Variants in ARNT2 observed in about 807,000 individuals in gnomAD.
ARNT2 encodes the protein ARNT protein 2.
Under a neutral mutation model 91.7 loss-of-function variants are expected in ARNT2, and 36 were observed. The ratio of observed to expected loss-of-function variants is 0.39; its 90% confidence interval spans 0.30 to 0.52. The LOEUF is 0.52. Ranked by LOEUF, ARNT2 falls within the 20% of genes least tolerant of loss-of-function variation. The probability of loss-of-function intolerance (pLI) is 0.72; values close to 1 mark genes in which losing one functional copy is unlikely to be tolerated. For missense variants in ARNT2, 775 were observed against 939.3 expected, an observed-to-expected ratio of 0.83 and a Z score of 2.29; for synonymous variants, 365 against 347.1, an observed-to-expected ratio of 1.05 and a Z score of -0.57.
intron 6 of ARNT2, among the ~76,000 whole-genome samples, chr15:80,511,445 T>C (rs1897339950): frequency 6.6e-6 from 1 of 151,810 alleles, no homozygotes; most frequent in African/African-American, 2.4e-5. Flanking sequence ...AATACCTGGA[T>C]GATGAAATAA....
chr15:80,559,336 CA>C (rs1160627741), intron 11 of ARNT2, among the ~76,000 whole-genome samples: 16 of 152,310 alleles, frequency 1.1e-4, no homozygotes, highest in South Asian at 1.0e-3. Flanking sequence ...GACCCAGCCC[CA>C]GCCCCAGCCC....
At chr15:80,558,823 CTA>C (rs770185180) in intron 11 of ARNT2, among the ~76,000 whole-genome samples, 10 of 152,182 alleles carry the variant, frequency 6.6e-5, no homozygotes, top group Admixed American at 2.0e-4. Context: ...TGTTTGCTGA[CTA>C]TGTGGAAATT....
rs969022401 is a variant in ARNT2 at position 80,593,785 on chromosome 15, C to T, written c.*87C>T. 5 of 1,274,636 alleles carry T rather than the reference C, an allele frequency of 3.9e-6. No individual in the cohort carries two copies. The highest frequency in any genetic ancestry group is 5.5e-6 in the Non-Finnish European group (5 of 914,954). 79.0% of individuals were successfully genotyped at this position (1,274,636 alleles called of 1,614,324 possible). The stretch of plus-strand genomic sequence containing the variant: ...GTGAATGAGGCCCACCCTCGCCCTG[C>T]TTGCCCTGCCGCAGGCCCCCCACCA... On this transcript the variant is annotated 3_prime_UTR_variant, in exon 19 of 19. Coordinates refer to ENST00000303329, the MANE Select transcript of ARNT2 (RefSeq NM_014862.4).
At position 80,558,335 on chromosome 15, in the gene ARNT2, T is replaced by G. The variant is rs1326821771; in HGVS notation, c.1164+3196T>G. Reference sequence around the variant, plus strand: ...GGGCAGACTTCATTACGTCTGTGCTTTTTTTTTTTTTTTTTTTTTGAGACG... The same window carrying G: ...GGGCAGACTTCATTACGTCTGTGCTGTTTTTTTTTTTTTTTTTTTGAGACG... On this transcript the variant is annotated intron_variant, in intron 11 of 18. Coordinates refer to ENST00000303329, the MANE Select transcript of ARNT2 (RefSeq NM_014862.4). Among the ~76,000 whole-genome samples the G allele has an allele frequency of 6.3e-5, 4 of 63,788 alleles. No individual in the cohort carries two copies. In the South Asian group the frequency reaches 1.3e-3, roughly 20 times the overall value. 41.8% of individuals were successfully genotyped at this position (63,788 alleles called of 152,430 possible).
At chr15:80,537,341 G>A (rs555972121) in intron 8 of ARNT2, among the ~76,000 whole-genome samples, 4 of 152,224 alleles carry the variant, frequency 2.6e-5, no homozygotes, top group South Asian at 4.2e-4. Context: ...GGTGAATGGC[G>A]ACTAAATTCC....
intron 8 of ARNT2, among the ~76,000 whole-genome samples, chr15:80,536,604 A>T (rs536355072): frequency 7.2e-5 from 11 of 152,302 alleles, no homozygotes; most frequent in African/African-American, 2.4e-4. Context: ...TTTGTTAGAA[A>T]AGAAAATGAT....
At chr15:80,459,684 C>T (rs1896526009) in intron 3 of ARNT2, among the ~76,000 whole-genome samples, 1 of 152,184 alleles carries the variant, frequency 6.6e-6, no homozygotes, top group Non-Finnish European at 1.5e-5. Context: ...GAAACAGAAA[C>T]TCTACACTCT....
At chr15:80,419,694 A>G (rs1319730689) in intron 1 of ARNT2, among the ~76,000 whole-genome samples, 8 of 152,178 alleles carry the variant, frequency 5.3e-5, no homozygotes, top group Admixed American at 5.2e-4. Flanking sequence ...TTTCTTATCT[A>G]TAACGTGAAT....
chr15:80,516,380 A>T (rs1897435141), intron 8 of ARNT2, among the ~76,000 whole-genome samples: 1 of 152,110 alleles, frequency 6.6e-6, no homozygotes, highest in Non-Finnish European at 1.5e-5. Context: ...TGTTTGGTGC[A>T]CATATGTTAG....
At chr15:80,563,326 C>T in intron 12 of ARNT2, 87 bp downstream of exon 12, 1 of 1,520,766 alleles carries the variant, frequency 6.6e-7, no homozygotes, top group Non-Finnish European at 9.1e-7. Flanking sequence ...GTTCTTTCTC[C>T]CTGCCGGCTC....
chr15:80,446,126 A>G (rs1434161174), intron 1 of ARNT2, among the ~76,000 whole-genome samples: 1 of 152,046 alleles, frequency 6.6e-6, no homozygotes, highest in African/African-American at 2.4e-5. Context: ...TGCTATCCCC[A>G]TTTTGCAGAT....
chr15:80,540,827 T>C (rs1451223049), intron 8 of ARNT2, among the ~76,000 whole-genome samples: 1 of 152,174 alleles, frequency 6.6e-6, no homozygotes, highest in East Asian at 1.9e-4. Flanking sequence ...GGACATGATT[T>C]CATTCTTTTT....
chr15:80,429,128 T>C (rs1288308010), intron 1 of ARNT2, among the ~76,000 whole-genome samples: 1 of 152,226 alleles, frequency 6.6e-6, no homozygotes, highest in East Asian at 1.9e-4. Context: ...TTCACCTGTT[T>C]CCTGACAAAC....
chr15:80,537,637 T>G (rs1440266708), intron 8 of ARNT2, among the ~76,000 whole-genome samples: 1 of 152,188 alleles, frequency 6.6e-6, no homozygotes, highest in Non-Finnish European at 1.5e-5. Flanking sequence ...GCTGTACGCC[T>G]GCCATGCCTG....
rs7178393 is a variant in ARNT2 at position 80,506,934 on chromosome 15, G to A, written c.623-1222G>A. ...AAGGTGGAGAGGGGCTGAAGAGTGT[G>A]TATCAAATTGGGCCACATAGAGAGC... is the stretch of plus-strand genomic sequence containing the variant. On this transcript the variant is annotated intron_variant, in intron 5 of 18. Coordinates refer to ENST00000303329, the MANE Select transcript of ARNT2 (RefSeq NM_014862.4). Among the ~76,000 whole-genome samples, 483 of 152,284 alleles carry A rather than the reference G, an allele frequency of 3.2e-3. 5 individuals carry two copies. The highest frequency in any genetic ancestry group is 0.011 in the African/African-American group (460 of 41,554).
intron 15 of ARNT2, among the ~76,000 whole-genome samples, chr15:80,579,252 C>T (rs1898746668): frequency 6.6e-6 from 1 of 152,320 alleles, no homozygotes; most frequent in South Asian, 2.1e-4. Context: ...AGAAAATGTC[C>T]TCTGAAGCAA....
At chr15:80,445,023 TGTG>T (rs1217504486) in intron 1 of ARNT2, 2 of 150,724 alleles carry the variant, frequency 1.3e-5, no homozygotes, top group Admixed American at 1.3e-4. Flanking sequence ...ATGTGACTGA[TGTG>T]TGTGTGGCAT....
chr15:80,506,227 C>T (rs55997946), intron 5 of ARNT2, among the ~76,000 whole-genome samples: 53,170 of 152,068 alleles, frequency 0.35, 9,876 homozygotes, highest in Non-Finnish European at 0.39. Context: ...TGAGCCACCG[C>T]GCCCGGCCCC....
At chr15:80,585,849 C>T (rs1898886303) in intron 17 of ARNT2, among the ~76,000 whole-genome samples, 1 of 152,192 alleles carries the variant, frequency 6.6e-6, no homozygotes, top group Non-Finnish European at 1.5e-5. Context: ...GAAAGAAACA[C>T]CTGATCCAGG....
Sources: gnomAD v4.1 joint callset for allele counts (sites outside exome capture counted in the v4.1 genomes callset) on GRCh38, gnomAD v4.1.1 for gene constraint, MANE v1.5 for transcripts, NCBI Gene and HGNC (gene_info 2026-07-23, HGNC 2026-07-21) for gene names.